The following CCDC171 variants were observed in gnomAD, a reference collection of about 807,000 sequenced individuals.
CCDC171 encodes coiled-coil domain-containing protein 171.
In CCDC171, 177 loss-of-function variants were observed where a neutral mutation model predicts 168.2. The ratio of observed to expected loss-of-function variants is 1.05; its 90% CI spans 0.93 to 1.19. The LOEUF is 1.19. Ranked by LOEUF, CCDC171 falls within the 50% of genes most tolerant of loss-of-function variation. The pLI is 0.00. For missense variants in CCDC171, 1,991 were observed against 1,539.0 expected (o/e 1.29, Z -4.91); for synonymous variants, 687 against 540.8 (o/e 1.27, Z -3.75).
At chr9:16,049,660 T>A (rs1048441775) in intron 1 of CCDC171, among the ~76,000 whole-genome samples, 1 of 152,152 alleles carries the variant, frequency 6.6e-6, no homozygotes, top group Non-Finnish European at 1.5e-5. Context: ...GCTTTCTAGA[T>A]TCTGAGGCTT....
chr9:15,845,172 C>CTTTA (rs2060842542), intron 21 of CCDC171, among the ~76,000 whole-genome samples: 1 of 151,958 alleles, frequency 6.6e-6, no homozygotes, highest in African/African-American at 2.4e-5. Flanking sequence ...TCTTATAATG[C>CTTTA]TTTAGTGTCT....
At chr9:16,030,899 G>T (rs1268175436) in intron 6 of CCDC171, among the ~76,000 whole-genome samples, 2 of 152,098 alleles carry the variant, frequency 1.3e-5, no homozygotes, top group African/African-American at 2.4e-5. Context: ...TCAACATGAA[G>T]ATTAATGGAC....
At chr9:16,000,251 A>G (rs1010394472) in intron 3 of CCDC171, among the ~76,000 whole-genome samples, 1 of 152,170 alleles carries the variant, frequency 6.6e-6, no homozygotes, top group African/African-American at 2.4e-5. Flanking sequence ...AAGTTTGTAA[A>G]ACTACAAACC....
rs569284502 is a variant in CCDC171, at chr9:15,750,902, C to G, written c.2671+5271C>G. 1.4e-4 allele frequency among the ~76,000 whole-genome samples: 22 copies of G among 152,274 alleles called. No individual in the cohort carries two copies. The East Asian group carries it at 3.3e-3, about 23-fold the overall frequency. On this transcript the variant is annotated intron_variant, in intron 18 of 25. Coordinates refer to ENST00000380701, the MANE Select transcript of CCDC171 (RefSeq NM_173550.4). ...GATGCTCTCTCTCACCACTCCTATT[C>G]AACACAGTATTGGAAGTTCTGGCCA...
At chr9:15,949,362 G>T (rs1204997201) in intron 25 of CCDC171, among the ~76,000 whole-genome samples, 2 of 152,134 alleles carry the variant, frequency 1.3e-5, no homozygotes, top group African/African-American at 4.8e-5. Flanking sequence ...TGTGAAGAAA[G>T]TCATTAGTAG....
Position 15,729,615 on chromosome 9 carries a change from G to A in CCDC171, c.1866G>A (p.Arg622=). 5 of 1,605,922 alleles carry A rather than the reference G, an allele frequency of 3.1e-6. No homozygotes were observed. Among genetic ancestry groups the A allele is most frequent in the Non-Finnish European group, 4.3e-6 (5 of 1,174,614 alleles). The part of the protein sequence containing the change: ...ADLNRANEKI[R]HLEYICKNKS... ...TGTTGCATCTCCCCGTATAGATAAGGCATCTAGAGTATATCTGTAAAAACA... is the reference window on the plus strand; with the variant it reads ...TGTTGCATCTCCCCGTATAGATAAGACATCTAGAGTATATCTGTAAAAACA... Residue 622 remains arginine (R), a synonymous_variant, in exon 16 of 26, where the codon AGG becomes AGA. Transcript: ENST00000380701.
chr9:15,944,836 T>TTTTCTTTCTTTCTTTCTTTCTTTCTTTC (rs1554691551), intron 25 of CCDC171, among the ~76,000 whole-genome samples: 5 of 129,852 alleles, frequency 3.9e-5, no homozygotes, highest in Admixed American at 7.9e-5. Flanking sequence ...TTTCTTTCTT[T>TTTTCTTTCTTTCTTTCTTTCTTTCTTTC]TTTCTTTCTT....
intron 21 of CCDC171, among the ~76,000 whole-genome samples, chr9:15,818,156 A>G (rs139822174): frequency 0.028 from 3,329 of 117,448 alleles, 1,004 homozygotes; most frequent in African/African-American, 0.1. Context: ...AGGAAAACTA[A>G]CAAACAGAAG....
At chr9:16,095,406 T>G in the CCDC171 span, among the ~76,000 whole-genome samples, 13 of 152,166 alleles carry the variant, frequency 8.5e-5, no homozygotes, top group Non-Finnish European at 1.6e-4. Context: ...ACTCCTATTC[T>G]TTTAGAACTT....
chr9:15,789,217 G>T (rs1327662884), intron 21 of CCDC171, among the ~76,000 whole-genome samples: 1 of 152,000 alleles, frequency 6.6e-6, no homozygotes, highest in East Asian at 1.9e-4. Flanking sequence ...GGAGCATTTT[G>T]GATTTCAGAT....
chr9:15,593,772 A>G (rs1486217750), intron 5 of CCDC171, among the ~76,000 whole-genome samples: 1 of 151,996 alleles, frequency 6.6e-6, no homozygotes, highest in African/African-American at 2.4e-5. Context: ...AGGTATATAC[A>G]GCCTGTTGCT....
intron 7 of CCDC171, among the ~76,000 whole-genome samples, chr9:15,623,781 A>G (rs1006450322): frequency 2.0e-5 from 3 of 152,208 alleles, no homozygotes; most frequent in African/African-American, 7.2e-5. Context: ...TCTAAATCAT[A>G]AAAGTAATTT....
At chr9:15,731,681 G>A (rs890831291) in intron 16 of CCDC171, among the ~76,000 whole-genome samples, 1 of 151,946 alleles carries the variant, frequency 6.6e-6, no homozygotes, top group African/African-American at 2.4e-5. Context: ...CAAGTCTTTT[G>A]TCAACATATG....
chr9:15,632,167 C>T (rs1171057510), intron 7 of CCDC171, among the ~76,000 whole-genome samples: 1 of 148,470 alleles, frequency 6.7e-6, no homozygotes, highest in Non-Finnish European at 1.5e-5. Context: ...GAAGTTCTGG[C>T]CAGGGCAATT....
At chr9:15,863,062 C>G (rs2061626249) in intron 23 of CCDC171, among the ~76,000 whole-genome samples, 1 of 149,812 alleles carries the variant, frequency 6.7e-6, no homozygotes, top group Non-Finnish European at 1.5e-5. Context: ...AACCACCACC[C>G]TTTTTCTCTG....
At chr9:15,727,640 G>C (rs1334264925) in intron 14 of CCDC171, among the ~76,000 whole-genome samples, 3 of 152,008 alleles carry the variant, frequency 2.0e-5, no homozygotes, top group African/African-American at 7.2e-5. Context: ...TTGGTCTTCT[G>C]GCTTCCAGAC....
At chr9:15,614,433 A>T (rs1294969256) in intron 6 of CCDC171, among the ~76,000 whole-genome samples, 2 of 152,196 alleles carry the variant, frequency 1.3e-5, no homozygotes, top group Non-Finnish European at 2.9e-5. Context: ...ATATCTCACT[A>T]TTCTTATTGA....
rs972263096 is a variant in CCDC171 at position 15,805,859 on chromosome 9, CAGTATTATTG to C, written c.3267+21166_3267+21175del. Among the ~76,000 whole-genome samples, 113 of 152,166 alleles carry C rather than the reference CAGTATTATTG, an allele frequency of 7.4e-4. 1 individual carries two copies. Among genetic ancestry groups the C allele is most frequent in the African/African-American group, 2.5e-3 (104 of 41,530 alleles). On this transcript the variant is annotated intron_variant, in intron 21 of 25. Transcript: ENST00000380701. The stretch of plus-strand genomic sequence containing the variant: ...TTGTCAACGGGGTATTAAAGTCTCC[CAGTATTATTG>C]TGTATTATTGTCTGGGAGACTAAGT...
intron 16 of CCDC171, among the ~76,000 whole-genome samples, chr9:15,740,273 T>C (rs1362761810): frequency 1.3e-5 from 2 of 152,318 alleles, no homozygotes; most frequent in African/African-American, 4.8e-5. Context: ...GGCCATCCAG[T>C]TATTTCACCA....
Sources: allele counts gnomAD v4.1 joint callset (sites outside exome capture counted in the v4.1 genomes callset), GRCh38; gene constraint gnomAD v4.1.1; transcripts MANE v1.5; gene names NCBI Gene and HGNC (gene_info 2026-07-23, HGNC 2026-07-21).